Variants in DRC7 observed in about 807,000 individuals in gnomAD.
DRC7 encodes the protein dynein regulatory complex subunit 7, also known as coiled-coil domain containing 135.
A neutral mutation model predicts 104.4 loss-of-function variants in DRC7; 80 were observed. That is an observed-to-expected ratio of 0.77 (90% CI 0.64 to 0.92). DRC7 has a LOEUF of 0.92. Ranked by LOEUF, DRC7 falls within the 40% of genes least tolerant of loss-of-function variation. The probability of loss-of-function intolerance (pLI) is 0.00; values close to 1 mark genes in which losing one functional copy is unlikely to be tolerated. For synonymous variants in DRC7, 405 were observed against 447.3 expected (o/e 0.91, Z 1.19); for missense variants, 1,034 against 1,141.1 (o/e 0.91, Z 1.35).
chr16:57,727,249 G>A (rs1364579962), intron 15 of DRC7, 50 bp from the exon 16 acceptor site: 6 of 1,443,784 alleles, frequency 4.2e-6, no homozygotes, highest in Non-Finnish European at 4.9e-6. Context: ...GGGGTTACAG[G>A]AGTGGAGGAG....
At chr16:57,706,540 A>C (rs1341623446) in intron 7 of DRC7, among the ~76,000 whole-genome samples, 8 of 53,104 alleles carry the variant, frequency 1.5e-4, no homozygotes, top group Non-Finnish European at 2.2e-4. Context: ...CCACCCATCC[A>C]CCCATCCTCC....
intron 10 of DRC7, 79 bp from the exon 11 acceptor site, chr16:57,722,634 A>G: frequency 6.3e-7 from 1 of 1,581,532 alleles, no homozygotes; most frequent in Non-Finnish European, 8.6e-7. Context: ...CGGGCAGTGG[A>G]TGGATGAATG....
intron 8 of DRC7, among the ~76,000 whole-genome samples, chr16:57,711,527 T>G (rs2048791209): frequency 6.6e-6 from 1 of 152,244 alleles, no homozygotes; most frequent in Non-Finnish European, 1.5e-5. Flanking sequence ...GCAGATGGAC[T>G]GCTCCTTGTG....
At chr16:57,726,757 T>C in intron 14 of DRC7, 75 bp from the exon 15 acceptor site, 1 of 817,418 alleles carries the variant, frequency 1.2e-6, no homozygotes, top group Non-Finnish European at 2.0e-6. Flanking sequence ...GTGGCAGGGG[T>C]AGATTTGAAC....
chr16:57,731,115 C>G (rs768813321), intron 18 of DRC7, 45 bp downstream of exon 18: 1 of 1,613,508 alleles, frequency 6.2e-7, no homozygotes, highest in African/African-American at 1.3e-5. Flanking sequence ...GGAGGCTGGA[C>G]CACCAGCTTT....
In DRC7 at chr16:57,700,268, C is replaced by T; in HGVS notation, c.502C>T (p.Pro168Ser). 6.2e-7 allele frequency: 1 copy of T among 1,612,546 alleles called. No individual in the cohort carries two copies. The highest frequency in any genetic ancestry group is 8.5e-7 in the Non-Finnish European group (1 of 1,178,906). Reference protein sequence around the residue: ...TMVPLPDPLKPPSHLYSSTTV... With the variant: ...TMVPLPDPLKSPSHLYSSTTV... ...GGTGCCCCTGCCTGACCCTCTCAAG[C>T]CGGTAAGCACCACTCACAGGCTGCA... The change falls in exon 5 of 19, where the codon CCG becomes TCG. Residue 168 changes from proline to serine, a missense_variant and splice_region_variant. Coordinates refer to ENST00000360716, the MANE Select transcript of DRC7 (RefSeq NM_001289162.2).
Position 57,713,351 on chromosome 16 carries a change from T to C in DRC7, c.1078-4996T>C, listed in dbSNP as rs149403450. ...ATTATTGAAATGTTGGGCTACAATT[T>C]TGGATTTCTCTATTTCTTCTTTCAG... On this transcript the variant is annotated intron_variant, in intron 8 of 18. Transcript: ENST00000360716. 2.8e-4 allele frequency among the ~76,000 whole-genome samples: 42 copies of C among 152,348 alleles called. No homozygotes were observed. The East Asian group carries it at 5.6e-3, about 20-fold the overall frequency.
intron 12 of DRC7, 106 bp downstream of exon 12, chr16:57,723,236 A>G: frequency 5.2e-6 from 7 of 1,345,430 alleles, no homozygotes; most frequent in South Asian, 1.4e-5. Context: ...CATATTATAC[A>G]TGGGTTCTTG....
At position 57,731,238 on chromosome 16, in the gene DRC7, C is replaced by A. The variant is rs370490683; in HGVS notation, c.2605C>A (p.Leu869Ile). 7 of 1,613,408 alleles carry A rather than the reference C, an allele frequency of 4.3e-6. No homozygotes were observed. Among genetic ancestry groups the A allele is most frequent in the Non-Finnish European group, 5.9e-6 (7 of 1,179,892 alleles). Residue 869 changes from leucine to isoleucine, a missense_variant, in exon 19 of 19, where the codon CTC (leucine) becomes ATC (isoleucine). Coordinates refer to ENST00000360716, the MANE Select transcript of DRC7 (RefSeq NM_001289162.2). ...CTACAAGGACCCACGCCTGGGGGAG[C>A]TCCAGAAAATATTCGCTTGATGTCC... is the stretch of plus-strand genomic sequence containing the variant. ...KLYKDPRLGELQKIFA is the reference protein window; with the variant it reads ...KLYKDPRLGEIQKIFA
At chr16:57,722,978 G>A (rs1433193243) in intron 11 of DRC7, 24 bp from the exon 12 acceptor site, 21 of 1,613,490 alleles carry the variant, frequency 1.3e-5, no homozygotes, top group Admixed American at 1.0e-4. Flanking sequence ...GCCTGGCTGC[G>A]GCAAGTGTCC....
In DRC7 at chr16:57,731,070, G is replaced by C. The variant is rs201384152; in HGVS notation, c.2531G>C (p.Arg844Pro). ...CGCATCCTGGAGCAGCGCCTCAATCGGTGAGCAGGCAGGGCAGGTGGAGAG... is the reference window on the plus strand; with the variant it reads ...CGCATCCTGGAGCAGCGCCTCAATCCGTGAGCAGGCAGGGCAGGTGGAGAG... Reference protein sequence around the residue: ...RIRILEQRLNRHKELAPLKYL... With the variant: ...RIRILEQRLNPHKELAPLKYL... Residue 844 changes from arginine (R) to proline (P), a missense_variant and splice_region_variant, in exon 18 of 19, where the codon CGA becomes CCA. Transcript: ENST00000360716. 6.2e-7 allele frequency: 1 copy of C among 1,613,622 alleles called. No individual in the cohort carries two copies. The highest frequency in any genetic ancestry group is 1.3e-5 in the African/African-American group (1 of 74,922).
chr16:57,709,338 G>A (rs1281860907), intron 8 of DRC7, among the ~76,000 whole-genome samples: 1 of 151,550 alleles, frequency 6.6e-6, no homozygotes, highest in Non-Finnish European at 1.5e-5. Flanking sequence ...TATTTCTCTG[G>A]TTAGTACATC....
In DRC7 at chr16:57,698,013, T is replaced by A; in HGVS notation, c.64T>A (p.Trp22Arg). ...EEAEREEAAE[W>R]AEWARMEKMM... ...GGCCGAGCGGGAGGAGGCGGCCGAG[T>A]GGGCTGAATGGGCGAGGATGGAGAA... The change falls in exon 3 of 19, where the codon TGG becomes AGG. Residue 22 changes from tryptophan to arginine, a missense_variant. Coordinates refer to ENST00000360716, the MANE Select transcript of DRC7 (RefSeq NM_001289162.2). 1 of 1,612,956 alleles carries A rather than the reference T, an allele frequency of 6.2e-7. No individual in the cohort carries two copies. The highest frequency in any genetic ancestry group is 8.5e-7 in the Non-Finnish European group (1 of 1,179,848).
At chr16:57,704,619 G>A (rs1215584089) in intron 6 of DRC7, among the ~76,000 whole-genome samples, 2 of 152,114 alleles carry the variant, frequency 1.3e-5, no homozygotes, top group African/African-American at 4.8e-5. Context: ...CATTTTTTCT[G>A]TCTTTACTTC....
intron 17 of DRC7, among the ~76,000 whole-genome samples, chr16:57,729,561 A>G (rs949626370): frequency 1.9e-3 from 53 of 27,976 alleles, no homozygotes; most frequent in African/African-American, 3.0e-3. Context: ...TGGATGGATG[A>G]GTGGGTGGGT....
intron 8 of DRC7, among the ~76,000 whole-genome samples, chr16:57,716,610 C>G (rs1234472237): frequency 6.6e-6 from 1 of 152,080 alleles, no homozygotes; most frequent in Non-Finnish European, 1.5e-5. Context: ...ACCAGCAGTT[C>G]TCTCCCCAAC....
chr16:57,697,669 G>A (rs375628518), intron 2 of DRC7, among the ~76,000 whole-genome samples: 7 of 152,176 alleles, frequency 4.6e-5, no homozygotes, highest in Non-Finnish European at 7.3e-5. Context: ...GCTTCCAACC[G>A]GAGGCCTGCT....
In DRC7 at chr16:57,724,645, T is replaced by C. The variant is rs1446816162; in HGVS notation, c.1568T>C (p.Met523Thr). 6.2e-7 allele frequency: 1 copy of C among 1,613,662 alleles called. No individual in the cohort carries two copies. The highest frequency in any genetic ancestry group is 8.5e-7 in the Non-Finnish European group (1 of 1,179,870). The stretch of plus-strand genomic sequence containing the variant: ...TCGTACAAGTCCATGCAACCTGAGA[T>C]GGACCGTGTCATTGAGTTTTATGAA... ...VHSYKSMQPEMDRVIEFYETA... is the reference protein window; with the variant it reads ...VHSYKSMQPETDRVIEFYETA... Residue 523 changes from methionine (M) to threonine (T), a missense_variant, in exon 13 of 19, where the codon ATG becomes ACG. Physicochemically the swap from Met to Thr is moderately conservative, Grantham distance 81. Transcript: ENST00000360716.
In DRC7 at chr16:57,709,838, C is replaced by T. The variant is rs111554340; in HGVS notation, c.1077+2160C>T. 7.6e-3 allele frequency among the ~76,000 whole-genome samples: 1,164 copies of T among 152,288 alleles called. 16 individuals are homozygous for T. Among genetic ancestry groups the T allele is most frequent in the African/African-American group, 0.025 (1,047 of 41,556 alleles). Reference sequence around the variant, plus strand: ...AGGCTGGAGTGCAGTGATGCAATCACGGCTCACTGCAACCTCTGGACTCAA... The same window carrying T: ...AGGCTGGAGTGCAGTGATGCAATCATGGCTCACTGCAACCTCTGGACTCAA... On this transcript the variant is annotated intron_variant, in intron 8 of 18. Transcript: ENST00000360716.
Sources: gnomAD v4.1 joint callset for allele counts (sites outside exome capture counted in the v4.1 genomes callset) on GRCh38, gnomAD v4.1.1 for gene constraint, MANE v1.5 for transcripts, NCBI Gene and HGNC (gene_info 2026-07-23, HGNC 2026-07-21) for gene names.